The following LRRC7 variants were observed in gnomAD, a reference collection of about 807,000 sequenced individuals.
LRRC7 encodes the protein leucine-rich repeat-containing protein 7.
Under a neutral mutation model 175.7 loss-of-function variants are expected in LRRC7, and 23 were observed. That is an observed-to-expected ratio of 0.13 (90% CI 0.09 to 0.19). The LOEUF (loss-of-function observed/expected upper bound fraction) is 0.19, where lower values mean the gene tolerates loss of function less well. Among genes scored for constraint, LRRC7 ranks in the 10% least tolerant of loss-of-function variants. The pLI, the probability that LRRC7 is intolerant of heterozygous loss-of-function variation, is 1.00. For synonymous variants in LRRC7, 685 were observed against 680.9 expected, an observed-to-expected ratio of 1.01 and a Z score of -0.09; for missense variants, 1,354 against 1,904.7, an observed-to-expected ratio of 0.71 and a Z score of 5.38.
rs895003667 is a variant in LRRC7 at position 69,604,168 on chromosome 1, A to C, written c.2+35527A>C. On this transcript the variant is annotated intron_variant, in intron 1 of 26. Transcript: ENST00000651989. ...TGGCTTCTGTGTTGTTTTCTCTGGGAATTTACGTAGATGAATTTTTCAAAT... is the reference window on the plus strand; with the variant it reads ...TGGCTTCTGTGTTGTTTTCTCTGGGCATTTACGTAGATGAATTTTTCAAAT... Among the ~76,000 whole-genome samples, 3 of 152,108 alleles carry C rather than the reference A, an allele frequency of 2.0e-5. No homozygotes were observed. In the South Asian group the frequency reaches 6.2e-4, roughly 32 times the overall value.
chr1:69,768,309 G>A (rs750839152), intron 3 of LRRC7, among the ~76,000 whole-genome samples: 84 of 152,132 alleles, frequency 5.5e-4, no homozygotes, highest in Middle Eastern at 3.2e-3. Context: ...CTTTCTCCTC[G>A]GAGACTTTAC....
chr1:70,130,321 GTA>G lies in LRRC7; in HGVS notation c.*8437_*8438del. On this transcript the variant is annotated 3_prime_UTR_variant, in exon 27 of 27. Transcript: ENST00000651989. ...TGCCTGTCATAGTGTCAGAAACATA[GTA>G]TAGGTTCTCAATAAATATTTGTGTA... 6.6e-6 allele frequency: 1 copy of G among 152,308 alleles called. No homozygotes were observed. Among genetic ancestry groups the G allele is most frequent in the East Asian group, 1.9e-4 (1 of 5,190 alleles). 9.4% of individuals were successfully genotyped at this position (152,308 alleles called of 1,614,324 possible).
At chr1:69,596,406 C>T (rs1182438108) in intron 1 of LRRC7, among the ~76,000 whole-genome samples, 2 of 152,142 alleles carry the variant, frequency 1.3e-5, no homozygotes, top group African/African-American at 4.8e-5. Context: ...GCCTATATTC[C>T]TGCATGTAAA....
chr1:70,038,009 A>T (rs1437773449), intron 20 of LRRC7, 104 bp from the exon 21 acceptor site: 1 of 1,323,348 alleles, frequency 7.6e-7, no homozygotes, highest in Non-Finnish European at 1.0e-6. Context: ...AGGATTATTG[A>T]TCAGTTAAAC....
intron 25 of LRRC7, among the ~76,000 whole-genome samples, chr1:70,103,721 C>A (rs1224993441): frequency 1.3e-5 from 2 of 151,998 alleles, no homozygotes; most frequent in East Asian, 3.9e-4. Flanking sequence ...ATATATATTG[C>A]CTTATTGAAA....
chr1:69,847,482 C>T (rs1433030082), intron 7 of LRRC7, among the ~76,000 whole-genome samples: 2 of 152,088 alleles, frequency 1.3e-5, no homozygotes, highest in South Asian at 2.1e-4. Flanking sequence ...ATATTCACCA[C>T]ATGTTAACAT....
intron 4 of LRRC7, among the ~76,000 whole-genome samples, chr1:69,820,192 T>C (rs935648754): frequency 1.3e-5 from 2 of 152,074 alleles, no homozygotes; most frequent in African/African-American, 4.8e-5. Context: ...GTGTATCTAC[T>C]ATAGGTCTTT....
At position 69,827,679 on chromosome 1, in the gene LRRC7, T is replaced by C. The variant is rs115119983; in HGVS notation, c.500+1853T>C. 3.9e-3 allele frequency among the ~76,000 whole-genome samples: 599 copies of C among 151,958 alleles called. 3 individuals carry two copies. The highest frequency in any genetic ancestry group is 0.013 in the African/African-American group (555 of 41,452). ...ATGGTGAAACCCTGTCTCTATAAAG[T>C]ATGCAAAAAATTGGCCTGGTGTGGT... On this transcript the variant is annotated intron_variant, in intron 5 of 26. Transcript: ENST00000651989.
chr1:69,759,973 A>G (rs1403563998), intron 2 of LRRC7, among the ~76,000 whole-genome samples: 1 of 151,978 alleles, frequency 6.6e-6, no homozygotes, highest in Non-Finnish European at 1.5e-5. Flanking sequence ...GCACTTTTTG[A>G]GCCCATTTTC....
intron 7 of LRRC7, among the ~76,000 whole-genome samples, chr1:69,900,346 A>G (rs1418835025): frequency 6.6e-6 from 1 of 152,204 alleles, no homozygotes; most frequent in African/African-American, 2.4e-5. Context: ...CCCAGAATCT[A>G]CATCTGTTTT....
chr1:69,835,181 C>A (rs1680966027), intron 6 of LRRC7, among the ~76,000 whole-genome samples: 2 of 151,442 alleles, frequency 1.3e-5, no homozygotes, highest in African/African-American at 4.8e-5. Context: ...TGAGAAATAC[C>A]TTTATAGGCA....
At chr1:70,061,604 A>G (rs1305785158) in intron 23 of LRRC7, among the ~76,000 whole-genome samples, 1 of 152,210 alleles carries the variant, frequency 6.6e-6, no homozygotes, top group Non-Finnish European at 1.5e-5. Context: ...AATGTTTGGC[A>G]CAATCTGTAG....
At chr1:70,076,553 T>C (rs1662793906) in intron 24 of LRRC7, among the ~76,000 whole-genome samples, 1 of 152,138 alleles carries the variant, frequency 6.6e-6, no homozygotes, top group African/African-American at 2.4e-5. Flanking sequence ...TCCAGTACCA[T>C]CCTACACCCT....
intron 10 of LRRC7, among the ~76,000 whole-genome samples, chr1:69,993,493 T>C (rs1242925231): frequency 6.6e-6 from 1 of 152,148 alleles, no homozygotes; most frequent in Admixed American, 6.6e-5. Context: ...TCTCAAAACA[T>C]GTTCACAAAA....
intron 3 of LRRC7, among the ~76,000 whole-genome samples, chr1:69,781,948 AAAAG>A (rs749643301): frequency 4.9e-4 from 66 of 135,822 alleles, no homozygotes; most frequent in African/African-American, 6.1e-4. Context: ...AAGAGAAAAG[AAAAG>A]AAAGAAAGAA....
intron 7 of LRRC7, among the ~76,000 whole-genome samples, chr1:69,862,827 C>T (rs1458103102): frequency 2.0e-5 from 3 of 151,790 alleles, no homozygotes; most frequent in African/African-American, 4.8e-5. Context: ...CTCCCTTAGA[C>T]CCCCCACCCC....
intron 4 of LRRC7, among the ~76,000 whole-genome samples, chr1:69,807,620 T>C (rs1677285959): frequency 6.6e-6 from 1 of 152,044 alleles, no homozygotes; most frequent in African/African-American, 2.4e-5. Context: ...TGTTGAATAT[T>C]GCCCCCGACT....
intron 1 of LRRC7, among the ~76,000 whole-genome samples, chr1:69,591,346 G>C (rs1304962647): frequency 6.6e-6 from 1 of 152,006 alleles, no homozygotes; most frequent in African/African-American, 2.4e-5. Context: ...TAAAGTGTCT[G>C]AGAATTTTTT....
At chr1:69,890,113 G>A (rs138761308) in intron 7 of LRRC7, among the ~76,000 whole-genome samples, 1 of 152,290 alleles carries the variant, frequency 6.6e-6, no homozygotes, top group Non-Finnish European at 1.5e-5. Context: ...TATGATTGCT[G>A]TTAATGGCAT....
Sources: gnomAD v4.1 joint callset for allele counts (sites outside exome capture counted in the v4.1 genomes callset) on GRCh38, gnomAD v4.1.1 for gene constraint, MANE v1.5 for transcripts, NCBI Gene and HGNC (gene_info 2026-07-23, HGNC 2026-07-21) for gene names.